The following PCDHA1 variants were observed in gnomAD, a reference collection of about 807,000 sequenced individuals.
PCDHA1 encodes the protein protocadherin alpha-1.
A neutral mutation model predicts 61.3 loss-of-function variants in PCDHA1; 42 were observed. The ratio of observed to expected loss-of-function variants is 0.69; its 90% CI spans 0.54 to 0.89. PCDHA1 has a LOEUF of 0.89. PCDHA1 is among the 40% of genes least tolerant of loss of function. PCDHA1 has a pLI of 0.00. For synonymous variants in PCDHA1, 610 were observed against 553.8 expected (o/e 1.10, Z -1.43); for missense variants, 1,256 against 1,235.3 (o/e 1.02, Z -0.25).
In PCDHA1 at chr5:140,884,521, G is replaced by A. The variant is rs569278761; in HGVS notation, c.2395-94428G>A. On this transcript the variant is annotated intron_variant, in intron 1 of 3. Transcript: ENST00000504120. ...GCGCGGCAGGGAGTTGGTCGTACTCGCAGCAGAGGCGGCCGAGGGTGTGCT... is the reference window on the plus strand; with the variant it reads ...GCGCGGCAGGGAGTTGGTCGTACTCACAGCAGAGGCGGCCGAGGGTGTGCT... 8.1e-6 allele frequency: 13 copies of A among 1,614,196 alleles called. No homozygotes were observed. In the East Asian group the frequency reaches 2.0e-4, roughly 25 times the overall value.
At position 140,836,649 on chromosome 5, in the gene PCDHA1, C is replaced by A; in HGVS notation, c.2394+47965C>A. The A allele has an allele frequency of 2.5e-6, 4 of 1,613,466 alleles. 1 individual carries two copies. The highest frequency in any genetic ancestry group is 3.4e-6 in the Non-Finnish European group (4 of 1,179,602). On this transcript the variant is annotated intron_variant, in intron 1 of 3. Transcript: ENST00000504120. ...CTGGTCATTCTCCCAGCAGAGGCGGCAGAGGGTGTGCTCTGGGGAGGGCCC... is the reference window on the plus strand; with the variant it reads ...CTGGTCATTCTCCCAGCAGAGGCGGAAGAGGGTGTGCTCTGGGGAGGGCCC...
rs1554149241 is a variant in PCDHA1, at chr5:140,856,873, A to C, written c.2394+68189A>C. The C allele has an allele frequency of 1.9e-6, 3 of 1,595,922 alleles. 1 individual carries two copies. The African/African-American group carries it at 4.0e-5, about 21-fold the overall frequency. On this transcript the variant is annotated intron_variant, in intron 1 of 3. Transcript: ENST00000504120. ...ATTCGGATGAAGGAATAAACAAGGA[A>C]ATGATGTATTCATTTAGCTCTTTGG...
At chr5:141,002,956 G>C (rs782632089) in intron 3 of PCDHA1, among the ~76,000 whole-genome samples, 6 of 152,230 alleles carry the variant, frequency 3.9e-5, no homozygotes, top group Non-Finnish European at 7.3e-5. Context: ...GCCCCTCTGA[G>C]AGCTTTCCTG....
chr5:140,871,484 A>G, intron 1 of PCDHA1: 1 of 1,592,270 alleles, frequency 6.3e-7, no homozygotes, highest in Non-Finnish European at 8.6e-7. Context: ...GGGTCAAATC[A>G]CCCCGGACAG....
chr5:140,865,500 G>A (rs1485481097), intron 1 of PCDHA1: 1 of 152,176 alleles, frequency 6.6e-6, no homozygotes, highest in Non-Finnish European at 1.5e-5. Flanking sequence ...GGAAAACCCT[G>A]TCCTACTTTA....
Position 140,787,859 on chromosome 5 carries a change from G to C in PCDHA1, c.1569G>C (p.Leu523=). The C allele has an allele frequency of 6.2e-7, 1 of 1,612,970 alleles. No individual in the cohort carries two copies. Among genetic ancestry groups the C allele is most frequent in the Non-Finnish European group, 8.5e-7 (1 of 1,179,830 alleles). The change falls in exon 1 of 4, where the codon CTG becomes CTC. Residue 523 remains leucine, a synonymous_variant. Transcript: ENST00000504120. ...GCAAGGTGTACGCACTGCAGCCCCT[G>C]GACCACGAGGAGCTGGAGCTGCTGC... ...ESGKVYALQP[L]DHEELELLQF...
At chr5:140,966,899 C>T in intron 1 of PCDHA1, 2 of 1,598,372 alleles carry the variant, frequency 1.3e-6, no homozygotes, top group African/African-American at 1.3e-5. Context: ...CTCCCAGCTG[C>T]GATACTCTGT....
At chr5:140,839,657 C>T (rs1377824888) in intron 1 of PCDHA1, among the ~76,000 whole-genome samples, 2 of 152,010 alleles carry the variant, frequency 1.3e-5, no homozygotes, top group East Asian at 1.9e-4. Context: ...AAATTGTTTG[C>T]TACTATTTAG....
chr5:141,007,679 T>A (rs1362984196), intron 3 of PCDHA1, among the ~76,000 whole-genome samples: 2 of 152,186 alleles, frequency 1.3e-5, no homozygotes, highest in Admixed American at 6.5e-5. Context: ...ACAAAAGTTA[T>A]CCTACTTCCA....
intron 1 of PCDHA1, chr5:140,821,592 C>G: frequency 1.5e-6 from 1 of 669,672 alleles, no homozygotes; most frequent in Non-Finnish European, 2.4e-6. Flanking sequence ...CCCTTCCCAG[C>G]CTCAAAGGAA....
Position 140,788,402 on chromosome 5 carries a change from C to T in PCDHA1, c.2112C>T (p.Ile704=). Residue 704 remains isoleucine (I), a synonymous_variant, in exon 1 of 4, where the codon ATC becomes ATT. Transcript: ENST00000504120. ...TCAACGTGTACCTGATCATCGCCAT[C>T]TGCGCGGTGTCCAGCCTGCTGGTGC... ...VDVNVYLIIA[I]CAVSSLLVLT... is the part of the protein sequence containing the mutation. 15 of 1,614,114 alleles carry T rather than the reference C, an allele frequency of 9.3e-6. No homozygotes were observed. The highest frequency in any genetic ancestry group is 1.3e-5 in the Non-Finnish European group (15 of 1,179,992).
intron 1 of PCDHA1, chr5:140,808,029 T>C (rs894226216): frequency 6.2e-7 from 1 of 1,614,028 alleles, no homozygotes; most frequent in Non-Finnish European, 8.5e-7. Context: ...GTTTATTCAT[T>C]CTCAAATGAT....
In PCDHA1 at chr5:140,846,436, G is replaced by T. The variant is rs191314082; in HGVS notation, c.2394+57752G>T. ...ATCTCCCAGGCTGGAATGCAGTGGCGCAATCTCGGCTCACTGCAACCTCTG... is the reference window on the plus strand; with the variant it reads ...ATCTCCCAGGCTGGAATGCAGTGGCTCAATCTCGGCTCACTGCAACCTCTG... On this transcript the variant is annotated intron_variant, in intron 1 of 3. Transcript: ENST00000504120. 7.4e-4 allele frequency among the ~76,000 whole-genome samples: 97 copies of T among 131,384 alleles called. 7 individuals carry two copies. The highest frequency in any genetic ancestry group is 2.7e-3 in the Admixed American group (32 of 11,706). The allele number at this position is 131,384 out of a possible 152,430, so 86.2% of individuals were successfully genotyped here.
At chr5:140,926,704 T>A in intron 1 of PCDHA1, 1 of 842,670 alleles carries the variant, frequency 1.2e-6, no homozygotes, top group Non-Finnish European at 1.7e-6. Context: ...GGCTCCCAGC[T>A]GGCCAGCCCC....
At chr5:140,987,429 G>T (rs1402576200) in intron 3 of PCDHA1, among the ~76,000 whole-genome samples, 2 of 152,096 alleles carry the variant, frequency 1.3e-5, no homozygotes, top group Admixed American at 1.3e-4. Flanking sequence ...GAAGCAGGGG[G>T]CCTTTCCCCA....
chr5:140,989,685 A>G (rs1393246206), intron 3 of PCDHA1, among the ~76,000 whole-genome samples: 2 of 152,186 alleles, frequency 1.3e-5, no homozygotes, highest in Non-Finnish European at 2.9e-5. Context: ...TTTCAAAGGA[A>G]CGTGAAAATT....
At position 140,982,510 on chromosome 5, in the gene PCDHA1, C is replaced by T; in HGVS notation, c.2489C>T (p.Ala830Val). 6.2e-7 allele frequency: 1 copy of T among 1,614,170 alleles called. No homozygotes were observed. The highest frequency in any genetic ancestry group is 8.5e-7 in the Non-Finnish European group (1 of 1,180,020). The change falls in exon 3 of 4, where the codon GCT becomes GTT. Residue 830 changes from alanine to valine, a missense_variant. Ala to Val is a moderately conservative substitution (Grantham distance 64, BLOSUM62 0). Coordinates refer to ENST00000504120, the MANE Select transcript of PCDHA1 (RefSeq NM_018900.4). ...CTAGAGGAGGCTGGCATTCTACGGGCTGGTCCAGGAGGGCCTGATCAGCAG... is the reference window on the plus strand; with the variant it reads ...CTAGAGGAGGCTGGCATTCTACGGGTTGGTCCAGGAGGGCCTGATCAGCAG... ...VHLEEAGILR[A>V]GPGGPDQQWP...
chr5:140,857,818 G>T, intron 1 of PCDHA1: 1 of 1,597,774 alleles, frequency 6.3e-7, no homozygotes, highest in Non-Finnish European at 8.6e-7. Flanking sequence ...GTCACGTGGT[G>T]GCTAAGGTGC....
In PCDHA1 at chr5:140,786,357, G is replaced by A; in HGVS notation, c.67G>A (p.Ala23Thr). Residue 23 changes from alanine to threonine, a missense_variant, in exon 1 of 4, where the codon GCC becomes ACC. Transcript: ENST00000504120. Reference protein sequence around the residue: ...DLLLWLLLLAAWEVGSGQLHY... With the variant: ...DLLLWLLLLATWEVGSGQLHY... ...GCTTCTTTGGCTTCTGCTCCTCGCA[G>A]CCTGGGAGGTGGGGAGCGGCCAGCT... 6.2e-7 allele frequency: 1 copy of A among 1,613,934 alleles called. No homozygotes were observed. The highest frequency in any genetic ancestry group is 8.5e-7 in the Non-Finnish European group (1 of 1,180,022).
Sources: allele counts gnomAD v4.1 joint callset (sites outside exome capture counted in the v4.1 genomes callset), GRCh38; gene constraint gnomAD v4.1.1; transcripts MANE v1.5; gene names NCBI Gene and HGNC (gene_info 2026-07-23, HGNC 2026-07-21).